STK33: variants seen among roughly 807,000 people sequenced by gnomAD.
STK33 encodes serine/threonine-protein kinase 33.
Under a neutral mutation model 58.0 loss-of-function variants are expected in STK33, and 52 were observed. That is an observed-to-expected ratio of 0.90 (90% confidence interval 0.72 to 1.13). STK33 has a LOEUF of 1.13. STK33 is among the 50% of genes most tolerant of loss of function. The pLI is 0.00. For synonymous variants in STK33, 215 were observed against 200.1 expected (o/e 1.07, Z -0.63); for missense variants, 630 against 604.2 (o/e 1.04, Z -0.45).
chr11:8,586,075 G>C (rs2031543677), intron 1 of STK33, among the ~76,000 whole-genome samples: 1 of 151,886 alleles, frequency 6.6e-6, no homozygotes, highest in Admixed American at 6.6e-5. Flanking sequence ...AATTTAGCCA[G>C]GTGTGGCAGT....
intron 2 of STK33, among the ~76,000 whole-genome samples, chr11:8,478,758 A>C (rs1949520558): frequency 6.6e-6 from 1 of 152,160 alleles, no homozygotes; most frequent in South Asian, 2.1e-4. Flanking sequence ...AAAAAAAAAA[A>C]AACTTACGAA....
chr11:8,378,473 G>A, the STK33 span, among the ~76,000 whole-genome samples: 17 of 152,130 alleles, frequency 1.1e-4, no homozygotes, highest in Non-Finnish European at 2.2e-4. Flanking sequence ...AGTCAAGATC[G>A]CACCATTGCA....
intron 14 of STK33, among the ~76,000 whole-genome samples, chr11:8,424,855 G>GT (rs1942497829): frequency 7.2e-6 from 1 of 139,860 alleles, no homozygotes; most frequent in Non-Finnish European, 1.5e-5. Flanking sequence ...TTGTAAATTT[G>GT]TTTGAGTTCA....
chr11:8,498,978 C>G (rs1187755619), intron 1 of STK33, among the ~76,000 whole-genome samples: 10 of 152,080 alleles, frequency 6.6e-5, no homozygotes, highest in Non-Finnish European at 1.2e-4. Context: ...CCATAAAACC[C>G]CTAGAAGAAA....
chr11:8,407,110 T>C (rs35976355), intron 15 of STK33, among the ~76,000 whole-genome samples: 33,951 of 152,044 alleles, frequency 0.22, 4,140 homozygotes, highest in South Asian at 0.36. Flanking sequence ...GATAATTATA[T>C]AGCTTTCTCC....
At chr11:8,416,266 G>A (rs1465977607) in intron 14 of STK33, among the ~76,000 whole-genome samples, 1 of 152,070 alleles carries the variant, frequency 6.6e-6, no homozygotes, top group African/African-American at 2.4e-5. Flanking sequence ...ATTTGCCAAG[G>A]CATAAAAAAG....
the STK33 span, among the ~76,000 whole-genome samples, chr11:8,373,231 A>G: frequency 6.6e-6 from 1 of 151,664 alleles, no homozygotes; most frequent in Non-Finnish European, 1.5e-5. Context: ...CAGAACCCAC[A>G]TGTTTCTGGG....
intron 1 of STK33, among the ~76,000 whole-genome samples, chr11:8,571,819 C>T (rs1260945506): frequency 7.0e-6 from 1 of 142,138 alleles, no homozygotes; most frequent in African/African-American, 2.6e-5. Flanking sequence ...GGCGACAGAG[C>T]GAGACCCAGT....
intron 1 of STK33, among the ~76,000 whole-genome samples, chr11:8,492,532 G>A (rs1005635550): frequency 2.0e-5 from 3 of 152,176 alleles, no homozygotes; most frequent in Admixed American, 1.3e-4. Context: ...ATATTAGACA[G>A]ATCAACGAGA....
chr11:8,439,645 A>T (rs1485035920), intron 12 of STK33, among the ~76,000 whole-genome samples: 2 of 151,382 alleles, frequency 1.3e-5, no homozygotes, highest in African/African-American at 4.9e-5. Context: ...GAGGCATATG[A>T]CACAGGGTGT....
chr11:8,369,008 G>C, the STK33 span, among the ~76,000 whole-genome samples: 1 of 152,138 alleles, frequency 6.6e-6, no homozygotes, highest in African/African-American at 2.4e-5. Context: ...GCCGGTTAGG[G>C]GACAGAGAGA....
At chr11:8,490,420 T>C (rs1222237418) in intron 1 of STK33, among the ~76,000 whole-genome samples, 1 of 150,738 alleles carries the variant, frequency 6.6e-6, no homozygotes, top group Non-Finnish European at 1.5e-5. Flanking sequence ...TCAGGGAAGC[T>C]TGAACTGGGC....
intron 8 of STK33, 58 bp from the exon 9 acceptor site, chr11:8,457,537 AATGTT>A (rs1947020533): frequency 7.2e-7 from 1 of 1,380,180 alleles, no homozygotes; most frequent in African/African-American, 1.4e-5. Context: ...GGATCTTTAA[AATGTT>A]ATATATCACA....
At chr11:8,529,293 G>C (rs1313403701) in intron 1 of STK33, among the ~76,000 whole-genome samples, 1 of 152,178 alleles carries the variant, frequency 6.6e-6, no homozygotes, top group Non-Finnish European at 1.5e-5. Context: ...TCCTGGGCCA[G>C]AGGCAGGTAG....
chr11:8,507,542 AAAGGTG>A (rs1356898980), intron 1 of STK33, among the ~76,000 whole-genome samples: 4 of 152,180 alleles, frequency 2.6e-5, no homozygotes, highest in Non-Finnish European at 4.4e-5. Flanking sequence ...CTCCTGTGGT[AAAGGTG>A]AAGGAGGAAG....
chr11:8,468,288 T>C (rs978949193), intron 6 of STK33, among the ~76,000 whole-genome samples: 2 of 152,168 alleles, frequency 1.3e-5, no homozygotes, highest in African/African-American at 4.8e-5. Context: ...CATGATTCAA[T>C]CATCTCCCAT....
intron 1 of STK33, among the ~76,000 whole-genome samples, chr11:8,590,438 T>TAAC (rs2032416570): frequency 7.1e-6 from 1 of 139,916 alleles, no homozygotes; most frequent in Non-Finnish European, 1.6e-5. Flanking sequence ...ATAAGGATAA[T>TAAC]AGTATTCCTA....
chr11:8,354,378 T>C, the STK33 span, among the ~76,000 whole-genome samples: 1 of 151,828 alleles, frequency 6.6e-6, no homozygotes, highest in East Asian at 1.9e-4. Context: ...CCTAAGGGCA[T>C]CCAGGTGTCC....
chr11:8,521,641 T>A (rs892515010), intron 1 of STK33, among the ~76,000 whole-genome samples: 2 of 152,012 alleles, frequency 1.3e-5, no homozygotes, highest in East Asian at 1.9e-4. Flanking sequence ...CTAATTAAAC[T>A]AAAGAGCTTC....
Sources: allele counts gnomAD v4.1 joint callset (sites outside exome capture counted in the v4.1 genomes callset), GRCh38; gene constraint gnomAD v4.1.1; transcripts MANE v1.5; gene names NCBI Gene and HGNC (gene_info 2026-07-23, HGNC 2026-07-21).